The following CATSPER4 variants were observed in gnomAD, a reference collection of about 807,000 sequenced individuals.
CATSPER4 encodes the protein cation channel sperm-associated protein 4.
In CATSPER4, 46 loss-of-function variants were observed where a neutral mutation model predicts 54.4. That is an observed-to-expected ratio of 0.84 (90% CI 0.67 to 1.08). The LOEUF (loss-of-function observed/expected upper bound fraction) is 1.08. Ranked by LOEUF, CATSPER4 falls within the 50% of genes least tolerant of loss-of-function variation. The pLI is 0.00. For synonymous variants in CATSPER4, 230 were observed against 231.9 expected (o/e 0.99, Z 0.08); for missense variants, 574 against 612.8 (o/e 0.94, Z 0.67).
Position 26,198,385 on chromosome 1 carries a change from C to T in CATSPER4, c.778C>T (p.Gln260Ter), listed in dbSNP as rs140515191. Residue 260 changes from glutamine (Q) to a stop codon, truncating the protein, a stop_gained, in exon 6 of 10, where the codon CAG becomes TAG. Transcript: ENST00000456354. LOFTEE classifies it high-confidence loss of function. ...ALYTLFICIT[Q>*]DGWVDIYSDF... is the part of the protein sequence containing the mutation. ...GTACACCCTCTTCATCTGCATCACC[C>T]AGGACGGCTGGGTGGACATCTACAG... is the stretch of plus-strand genomic sequence containing the variant. The T allele has an allele frequency of 6.2e-7, 1 of 1,614,060 alleles. No individual in the cohort carries two copies. Among genetic ancestry groups the T allele is most frequent in the Non-Finnish European group, 8.5e-7 (1 of 1,180,042 alleles).
Position 26,193,849 on chromosome 1 carries a change from T to C in CATSPER4, c.420T>C (p.Val140=). The change falls in exon 3 of 10, where the codon GTT becomes GTC. Residue 140 remains valine, a synonymous_variant. Coordinates refer to ENST00000456354, the MANE Select transcript of CATSPER4 (RefSeq NM_198137.2). ...TGCTGACCATCCTTCTTTGTGAGGT[T>C]CTCCTTGGCTGGCTCAATGGCTTCT... The part of the protein sequence containing the change: ...DIVLTILLCE[V]LLGWLNGFWI... The C allele has an allele frequency of 6.2e-7, 1 of 1,614,124 alleles. No individual in the cohort carries two copies. Among genetic ancestry groups the C allele is most frequent in the Non-Finnish European group, 8.5e-7 (1 of 1,179,990 alleles).
intron 9 of CATSPER4, 170 bp downstream of exon 9, chr1:26,201,689 C>A: frequency 3.9e-6 from 2 of 508,572 alleles, no homozygotes; most frequent in Non-Finnish European, 6.8e-6. Context: ...TTCTTTCTTT[C>A]CTTTTTTTTT....
intron 8 of CATSPER4, 70 bp downstream of exon 8, chr1:26,201,111 G>C: frequency 7.6e-7 from 1 of 1,309,130 alleles, no homozygotes; most frequent in African/African-American, 1.4e-5. Context: ...AGAGTCTTCT[G>C]GCCTCACGCC....
chr1:26,192,998 A>G (rs970845756), intron 2 of CATSPER4, among the ~76,000 whole-genome samples: 1 of 151,826 alleles, frequency 6.6e-6, no homozygotes, highest in Non-Finnish European at 1.5e-5. Flanking sequence ...GCTACTTGGG[A>G]GGCTGACGTA....
chr1:26,201,772 C>G (rs906992140), intron 9 of CATSPER4, among the ~76,000 whole-genome samples: 2 of 150,442 alleles, frequency 1.3e-5, no homozygotes, highest in African/African-American at 2.4e-5. Context: ...TCGCTGCCAC[C>G]TCTGCGGCCT....
Position 26,200,936 on chromosome 1 carries a change from C to A in CATSPER4, c.1094C>A (p.Pro365His), listed in dbSNP as rs754643682. 5 of 1,613,944 alleles carry A rather than the reference C, an allele frequency of 3.1e-6. No homozygotes were observed. The South Asian group carries it at 4.4e-5, about 14-fold the overall frequency. ...CTCCAGGAACCCCTTGCGGGAGGCC[C>A]CCTGTCGAACCTCTCAGAAAACACG... ...GLLQEPLAGG[P>H]LSNLSENTCD... Residue 365 changes from proline (P) to histidine (H), a missense_variant, in exon 8 of 10, where the codon CCC becomes CAC. By Grantham distance (77) the Pro-to-His change is moderately conservative. Transcript: ENST00000456354.
chr1:26,200,817 C>G lies in CATSPER4; in HGVS notation c.988-13C>G. On this transcript the variant is annotated splice_polypyrimidine_tract_variant and intron_variant, in intron 7 of 9. Transcript: ENST00000456354. ...TGAGCTGTCCCGACCCCTCTCTATC[C>G]CCCGCTTCCCAGACAGGCGCAGAGG... 6.2e-7 allele frequency: 1 copy of G among 1,611,532 alleles called. No individual in the cohort carries two copies. Among genetic ancestry groups the G allele is most frequent in the Non-Finnish European group, 8.5e-7 (1 of 1,177,860 alleles).
chr1:26,195,691 CG>C (rs1213525314), intron 3 of CATSPER4, among the ~76,000 whole-genome samples: 11 of 152,078 alleles, frequency 7.2e-5, no homozygotes, highest in Admixed American at 1.3e-4. Context: ...TTAGTAGAGA[CG>C]GGGGTCTCAC....
rs200146849 is a variant in CATSPER4, at chr1:26,201,529, C to T, written c.1365+10C>T. On this transcript the variant is annotated intron_variant, in intron 9 of 9. Transcript: ENST00000456354. ...CGTTAGCATGGAAAAGGTGTGCCTT[C>T]CTTCTCCTACCCAATGGGTACTCGC... 4.7e-5 allele frequency: 76 copies of T among 1,613,928 alleles called. No homozygotes were observed. In the East Asian group the frequency reaches 1.6e-3, roughly 34 times the overall value.
intron 3 of CATSPER4, among the ~76,000 whole-genome samples, chr1:26,196,912 T>A (rs2088945536): frequency 8.7e-6 from 1 of 114,688 alleles, no homozygotes. Context: ...TTCTTTTCTT[T>A]CTTTTTTTTT....
intron 5 of CATSPER4, 32 bp downstream of exon 5, chr1:26,198,109 C>A: frequency 6.2e-7 from 1 of 1,614,188 alleles, no homozygotes; most frequent in Non-Finnish European, 8.5e-7. Context: ...CAGCTGTTTC[C>A]CTTCCCTGAA....
At chr1:26,192,850 G>A (rs1421630002) in intron 2 of CATSPER4, among the ~76,000 whole-genome samples, 1 of 151,828 alleles carries the variant, frequency 6.6e-6, no homozygotes, top group Non-Finnish European at 1.5e-5. Context: ...CGCACTTTTG[G>A]GGAGGACACT....
In CATSPER4 at chr1:26,202,498, T is replaced by G. The variant is rs766224537; in HGVS notation, c.1375T>G (p.Ser459Ala). The change falls in exon 10 of 10, where the codon TCT becomes GCT. Residue 459 changes from serine to alanine, a missense_variant. Coordinates refer to ENST00000456354, the MANE Select transcript of CATSPER4 (RefSeq NM_198137.2). ...ALVSMEKVHD[S>A]SSQILLKKHK... ...ACCTCTTGGTTTGCAGGTTCATGAC[T>G]CTAGCTCACAAATACTCCTTAAAAA... 72 of 1,611,822 alleles carry G rather than the reference T, an allele frequency of 4.5e-5. No individual in the cohort carries two copies. Among genetic ancestry groups the G allele is most frequent in the Non-Finnish European group, 6.0e-5 (71 of 1,179,128 alleles).
rs751938347 is a variant in CATSPER4 at position 26,191,269 on chromosome 1, G to A, written c.214-18G>A. 5 of 1,613,818 alleles carry A rather than the reference G, an allele frequency of 3.1e-6. No homozygotes were observed. Among genetic ancestry groups the A allele is most frequent in the Non-Finnish European group, 4.2e-6 (5 of 1,179,956 alleles). On this transcript the variant is annotated intron_variant, in intron 1 of 9. Coordinates refer to ENST00000456354, the MANE Select transcript of CATSPER4 (RefSeq NM_198137.2). ...CTATGGTGACACCTGCCTGAAGGAA[G>A]GTCCTGCCCTCTTCCAGGACGCCTG...
chr1:26,196,144 C>CT (rs376569258), intron 3 of CATSPER4, among the ~76,000 whole-genome samples: 24,365 of 125,186 alleles, frequency 0.19, 2,982 homozygotes, highest in Middle Eastern at 0.3. Flanking sequence ...CTTTCTTTTC[C>CT]TTTTTTTTTT....
rs750275512 is a variant in CATSPER4, at chr1:26,199,984, G to A, written c.913G>A (p.Val305Met). The stretch of plus-strand genomic sequence containing the variant: ...CATTGGCATCAACCTGTTCGTCATC[G>A]TGGTGACCACCAACCTGGAGCAAAT... ...AFIGINLFVI[V>M]VTTNLEQMMK... The change falls in exon 7 of 10, where the codon GTG becomes ATG. Residue 305 changes from valine to methionine, a missense_variant. Transcript: ENST00000456354. 5.0e-6 allele frequency: 8 copies of A among 1,613,974 alleles called. No individual in the cohort carries two copies. The highest frequency in any genetic ancestry group is 2.2e-5 in the East Asian group (1 of 44,894).
rs768199962 is a variant in CATSPER4, at chr1:26,198,342, G to A, written c.735G>A (p.Gln245=). ...GTGCATTCGTGCCCAAGCATTTCCA[G>A]AACATACAGGTTGCGCTGTACACCC... ...LFGAFVPKHF[Q]NIQVALYTLF... Residue 245 remains glutamine (Q), a synonymous_variant, in exon 6 of 10, where the codon CAG becomes CAA. Transcript: ENST00000456354. 6.2e-7 allele frequency: 1 copy of A among 1,614,166 alleles called. No homozygotes were observed. Among genetic ancestry groups the A allele is most frequent in the Non-Finnish European group, 8.5e-7 (1 of 1,180,030 alleles).
chr1:26,197,848 T>A, intron 4 of CATSPER4, 65 bp downstream of exon 4: 1 of 1,603,822 alleles, frequency 6.2e-7, no homozygotes, highest in Non-Finnish European at 8.5e-7. Context: ...GATGGGGGGA[T>A]AACGACCAGC....
chr1:26,200,097 T>C (rs2088990959), intron 7 of CATSPER4, 39 bp downstream of exon 7: 2 of 1,595,894 alleles, frequency 1.3e-6, no homozygotes, highest in Admixed American at 1.7e-5. Context: ...GGAAAAGGAG[T>C]GTGTATGAGA....
Sources: gnomAD v4.1 joint callset for allele counts (sites outside exome capture counted in the v4.1 genomes callset) on GRCh38, gnomAD v4.1.1 for gene constraint, MANE v1.5 for transcripts, NCBI Gene and HGNC (gene_info 2026-07-23, HGNC 2026-07-21) for gene names.